Variants in SESTD1 observed in about 807,000 individuals in gnomAD.
The protein encoded by SESTD1 is SEC14 domain and spectrin repeat-containing protein 1.
SESTD1 carries 43 observed loss-of-function variants against 101.7 expected under a neutral mutation model. The ratio of observed to expected loss-of-function variants is 0.42; its 90% confidence interval spans 0.33 to 0.55. The LOEUF is 0.55. SESTD1 is among the 20% of genes least tolerant of loss of function. The pLI is 0.07. For missense variants in SESTD1, 647 were observed against 815.1 expected (o/e 0.79, Z 2.51); for synonymous variants, 283 against 286.8 (o/e 0.99, Z 0.13).
rs530594878 is a variant in SESTD1, at chr2:179,109,914, C to T, written c.2076G>A (p.Val692=). Reference sequence around the variant, plus strand: ...CTGGTAGCTATTAGCTCTCTGTGGTCACCATTTCAGGATGTCTCAGCTGCT... The same window carrying T: ...CTGGTAGCTATTAGCTCTCTGTGGTTACCATTTCAGGATGTCTCAGCTGCT... ...KRQQLRHPEM[V]TTES is the part of the protein sequence containing the mutation. Residue 692 remains valine, a synonymous_variant, in exon 18 of 18, where the codon GTG becomes GTA. Coordinates refer to ENST00000428443, the MANE Select transcript of SESTD1 (RefSeq NM_178123.5). 3 of 1,613,576 alleles carry T rather than the reference C, an allele frequency of 1.9e-6. No individual in the cohort carries two copies. The highest frequency in any genetic ancestry group is 2.2e-5 in the South Asian group (2 of 91,020).
intron 1 of SESTD1, among the ~76,000 whole-genome samples, chr2:179,195,030 A>G (rs2046369125): frequency 6.6e-6 from 1 of 152,200 alleles, no homozygotes; most frequent in African/African-American, 2.4e-5. Context: ...AGAAAAATGC[A>G]AGGACAAGAG....
At chr2:179,190,388 C>A (rs1208789981) in intron 2 of SESTD1, among the ~76,000 whole-genome samples, 2 of 152,048 alleles carry the variant, frequency 1.3e-5, no homozygotes, top group Non-Finnish European at 2.9e-5. Context: ...CAAAAATTAA[C>A]TCAAGATGAA....
intron 1 of SESTD1, among the ~76,000 whole-genome samples, chr2:179,224,571 C>A (rs1318236996): frequency 2.0e-5 from 3 of 152,102 alleles, no homozygotes; most frequent in Admixed American, 6.5e-5. Context: ...AGGATGGGGG[C>A]CGGTTGCCAG....
Position 179,112,750 on chromosome 2 carries a change from T to TA in SESTD1, c.1934dup (p.Leu645PhefsTer9). On this transcript the variant is annotated frameshift_variant, in exon 17 of 18. Transcript: ENST00000428443. LOFTEE classifies it high-confidence loss of function. ...CATCAGGATAAACTACTGGAACAGT[T>TA]AATCTATCCAAAAGTGATTTCCCAA... The TA allele has an allele frequency of 6.2e-7, 1 of 1,612,910 alleles. No individual in the cohort carries two copies. The highest frequency in any genetic ancestry group is 8.5e-7 in the Non-Finnish European group (1 of 1,179,938).
At chr2:179,116,877 T>C in intron 14 of SESTD1, 87 bp from the exon 15 acceptor site, 1 of 1,494,560 alleles carries the variant, frequency 6.7e-7, no homozygotes, top group Non-Finnish European at 9.0e-7. Context: ...ATTACTATCA[T>C]GTGATTAATA....
At chr2:179,115,012 A>T in intron 16 of SESTD1, 53 bp downstream of exon 16, 1 of 1,451,078 alleles carries the variant, frequency 6.9e-7, no homozygotes, top group Non-Finnish European at 9.4e-7. Context: ...AACATATTTT[A>T]AACACATATA....
intron 7 of SESTD1, among the ~76,000 whole-genome samples, chr2:179,147,026 G>C (rs923663076): frequency 1.3e-5 from 2 of 151,754 alleles, no homozygotes; most frequent in African/African-American, 4.8e-5. Flanking sequence ...ATACAGGAAA[G>C]AAAAGATGAA....
At chr2:179,199,837 T>C (rs2046476296) in intron 1 of SESTD1, among the ~76,000 whole-genome samples, 1 of 151,946 alleles carries the variant, frequency 6.6e-6, no homozygotes. Context: ...TGGCAAAAAC[T>C]GGAAGCATTC....
At chr2:179,201,099 A>C (rs1326073612) in intron 1 of SESTD1, among the ~76,000 whole-genome samples, 2 of 134,648 alleles carry the variant, frequency 1.5e-5, no homozygotes, top group Non-Finnish European at 3.2e-5. Flanking sequence ...AACCCCATCA[A>C]AAAGTGGGCG....
intron 10 of SESTD1, among the ~76,000 whole-genome samples, chr2:179,129,503 A>G (rs2044959594): frequency 6.6e-6 from 1 of 152,138 alleles, no homozygotes; most frequent in Admixed American, 6.5e-5. Flanking sequence ...ATCCTAACAA[A>G]TTTGGGGTTT....
chr2:179,221,488 C>T (rs936508617), intron 1 of SESTD1, among the ~76,000 whole-genome samples: 2 of 152,002 alleles, frequency 1.3e-5, no homozygotes. Context: ...AGGTGCATGC[C>T]TGTAACCCCA....
chr2:179,132,929 T>G (rs969386228), intron 9 of SESTD1, among the ~76,000 whole-genome samples: 2 of 152,180 alleles, frequency 1.3e-5, no homozygotes, highest in African/African-American at 4.8e-5. Context: ...TCCCAAGCAT[T>G]GAAAAAACTG....
intron 10 of SESTD1, among the ~76,000 whole-genome samples, chr2:179,127,007 A>G (rs2044889162): frequency 6.6e-6 from 1 of 152,232 alleles, no homozygotes. Context: ...GATTTGCTTA[A>G]AACATAAATT....
rs2044660848 is a variant in SESTD1, at chr2:179,117,571, C to G, written c.1485G>C (p.Gln495His). The change falls in exon 14 of 18, where the codon CAG becomes CAC. Residue 495 changes from glutamine to histidine, a missense_variant. Transcript: ENST00000428443. ...CTTCACATTTAAACAACTGCACCAT[C>G]TGAAGCATCTTTAACCTTCGCACAT... is the stretch of plus-strand genomic sequence containing the variant. ...MVDVRRLKMLQMVQLFKCEED... is the reference protein window; with the variant it reads ...MVDVRRLKMLHMVQLFKCEED... 1 of 1,585,894 alleles carries G rather than the reference C, an allele frequency of 6.3e-7. No homozygotes were observed. The highest frequency in any genetic ancestry group is 1.4e-5 in the African/African-American group (1 of 73,006).
chr2:179,134,111 G>T (rs1170934730), intron 9 of SESTD1, among the ~76,000 whole-genome samples: 1 of 152,038 alleles, frequency 6.6e-6, no homozygotes, highest in African/African-American at 2.4e-5. Flanking sequence ...TTTGATCTTG[G>T]TATCCACAGT....
chr2:179,113,880 A>C (rs2044568548), intron 16 of SESTD1, among the ~76,000 whole-genome samples: 1 of 151,610 alleles, frequency 6.6e-6, no homozygotes. Flanking sequence ...AAAAAAAAAA[A>C]AGTTATCAGT....
At chr2:179,116,432 T>C in intron 15 of SESTD1, 1 of 564,288 alleles carries the variant, frequency 1.8e-6, no homozygotes, top group Non-Finnish European at 3.1e-6. Context: ...AAAAATGCCG[T>C]AATACATAGC....
chr2:179,109,172 T>C lies in SESTD1; in HGVS notation c.*727A>G, dbSNP rs1443344313. 6.6e-6 allele frequency: 1 copy of C among 152,640 alleles called. No individual in the cohort carries two copies. The highest frequency in any genetic ancestry group is 1.5e-5 in the Non-Finnish European group (1 of 68,012). The allele number at this position is 152,640 out of a possible 1,614,324, so 9.5% of individuals were successfully genotyped here. ...TATTTATTATATACACATGCTTACA[T>C]ATGTATTTCCTGTCTAAAATACATG... is the stretch of plus-strand genomic sequence containing the variant. On this transcript the variant is annotated 3_prime_UTR_variant, in exon 18 of 18. Transcript: ENST00000428443.
At chr2:179,174,588 T>TGGAA in intron 4 of SESTD1, 2 of 376,870 alleles carry the variant, frequency 5.3e-6, no homozygotes, top group South Asian at 4.2e-5. Flanking sequence ...AATATAAAAG[T>TGGAA]GCTGGAAGCA....
Sources: gnomAD v4.1 joint callset for allele counts (sites outside exome capture counted in the v4.1 genomes callset) on GRCh38, gnomAD v4.1.1 for gene constraint, MANE v1.5 for transcripts, NCBI Gene and HGNC (gene_info 2026-07-23, HGNC 2026-07-21) for gene names.